The following SLAIN2 variants were observed in gnomAD, a reference collection of about 807,000 sequenced individuals.
SLAIN2 encodes SLAIN motif-containing protein 2.
A neutral mutation model predicts 56.6 loss-of-function variants in SLAIN2; 31 were observed. The ratio of observed to expected loss-of-function variants is 0.55; its 90% CI spans 0.41 to 0.74. The LOEUF (loss-of-function observed/expected upper bound fraction) is 0.74. SLAIN2 is among the 30% of genes least tolerant of loss of function. SLAIN2 has a pLI of 0.00. For synonymous variants in SLAIN2, 317 were observed against 284.9 expected (o/e 1.11, Z -1.13); for missense variants, 777 against 754.2 (o/e 1.03, Z -0.35).
chr4:48,410,468 TG>T lies in SLAIN2; in HGVS notation c.1361-9654del, dbSNP rs1477292670. 2.6e-5 allele frequency among the ~76,000 whole-genome samples: 4 copies of T among 152,300 alleles called. No individual in the cohort carries two copies. The South Asian group carries it at 6.2e-4, about 24-fold the overall frequency. The stretch of plus-strand genomic sequence containing the variant: ...TATCATTTATCAATTTTTGATCTTA[TG>T]GGTCATGCTCATAGTGTCATAAGAA... On this transcript the variant is annotated intron_variant, in intron 6 of 7. Transcript: ENST00000264313.
intron 1 of SLAIN2, among the ~76,000 whole-genome samples, chr4:48,347,673 A>G (rs7668529): frequency 0.53 from 80,822 of 152,102 alleles, 22,545 homozygotes; most frequent in South Asian, 0.69. Context: ...AGTGGCATTA[A>G]GTACATTCAC....
At chr4:48,420,036 A>G (rs2109791135) in intron 6 of SLAIN2, 89 bp from the exon 7 acceptor site, 1 of 1,268,964 alleles carries the variant, frequency 7.9e-7, no homozygotes, top group Non-Finnish European at 1.1e-6. Flanking sequence ...CACATGTACT[A>G]GTGCCCAATC....
In SLAIN2 at chr4:48,341,557, T is replaced by C. The variant is rs762607268; in HGVS notation, c.-183T>C. The C allele has an allele frequency of 1.5e-4, 132 of 903,168 alleles. No individual in the cohort carries two copies. The highest frequency in any genetic ancestry group is 1.9e-4 in the Non-Finnish European group (126 of 652,194). 55.9% of individuals were successfully genotyped at this position (903,168 alleles called of 1,614,324 possible). On this transcript the variant is annotated 5_prime_UTR_variant, in exon 1 of 8. Coordinates refer to ENST00000264313, the MANE Select transcript of SLAIN2 (RefSeq NM_020846.2). ...CCCGGAGCCGGCGCAGATGAGGCAG[T>C]TCGGCTGGGGCCAGCGGCGCTTTGG...
rs778687621 is a variant in SLAIN2, at chr4:48,420,314, A to G, written c.1550A>G (p.Asn517Ser). The G allele has an allele frequency of 1.9e-6, 3 of 1,613,936 alleles. No individual in the cohort carries two copies. Among genetic ancestry groups the G allele is most frequent in the Non-Finnish European group, 2.5e-6 (3 of 1,179,868 alleles). Residue 517 changes from asparagine to serine, a missense_variant, in exon 7 of 8, where the codon AAT (asparagine) becomes AGT (serine). By Grantham distance (46) the Asn-to-Ser change is conservative. Coordinates refer to ENST00000264313, the MANE Select transcript of SLAIN2 (RefSeq NM_020846.2). Reference sequence around the variant, plus strand: ...ACAGTCTCAGCAAATCCTCCCAGCAATATCAACAGCGCTACTCTAACCAGA... The same window carrying G: ...ACAGTCTCAGCAAATCCTCCCAGCAGTATCAACAGCGCTACTCTAACCAGA... ...QSTVSANPPS[N>S]INSATLTRPA...
intron 6 of SLAIN2, among the ~76,000 whole-genome samples, chr4:48,402,565 T>C (rs1560463340): frequency 6.6e-6 from 1 of 152,236 alleles, no homozygotes; most frequent in Non-Finnish European, 1.5e-5. Flanking sequence ...ATACTTGTTA[T>C]TGCATTGTGA....
chr4:48,391,930 C>G (rs1468805678), intron 6 of SLAIN2, among the ~76,000 whole-genome samples: 5 of 152,176 alleles, frequency 3.3e-5, no homozygotes, highest in African/African-American at 1.2e-4. Context: ...TTGTTTTGCA[C>G]TAGCATCTTT....
chr4:48,371,971 TACACAC>T (rs35354568), intron 2 of SLAIN2, among the ~76,000 whole-genome samples: 5,659 of 148,042 alleles, frequency 0.038, 127 homozygotes, highest in African/African-American at 0.061. Flanking sequence ...AAAAAGTATA[TACACAC>T]ACACACACAC....
chr4:48,382,953 T>G lies in SLAIN2; in HGVS notation c.1222+26T>G, dbSNP rs1445823003. ...GTAAAATAGCAGATTTTACTAATAA[T>G]TAGACAGTTTCTGCTAGCCTGTGTA... On this transcript the variant is annotated intron_variant, in intron 5 of 7. Transcript: ENST00000264313. 3 of 1,552,880 alleles carry G rather than the reference T, an allele frequency of 1.9e-6. No homozygotes were observed. In the East Asian group the frequency reaches 7.1e-5, roughly 37 times the overall value.
chr4:48,350,510 T>A (rs1714982195), intron 1 of SLAIN2, among the ~76,000 whole-genome samples: 1 of 152,262 alleles, frequency 6.6e-6, no homozygotes, highest in Admixed American at 6.5e-5. Context: ...CACTATTCCT[T>A]GTAGTAATTA....
chr4:48,379,827 C>G lies in SLAIN2; in HGVS notation c.841C>G (p.Leu281Val), dbSNP rs1392928909. The part of the protein sequence containing the change: ...KLNDVTDVQI[L>V]ARMQEESLRQ... The stretch of plus-strand genomic sequence containing the variant: ...AAATGATGTAACTGATGTACAGATT[C>G]TAGCCCGGATGCAGGAAGAAAGTAA... The change falls in exon 4 of 8, where the codon CTA (leucine) becomes GTA (valine). Residue 281 changes from leucine to valine, a missense_variant. By Grantham distance (32) the Leu-to-Val change is conservative. Transcript: ENST00000264313. The G allele has an allele frequency of 1.9e-6, 3 of 1,559,822 alleles. No individual in the cohort carries two copies. Among genetic ancestry groups the G allele is most frequent in the Non-Finnish European group, 1.7e-6 (2 of 1,160,508 alleles).
At chr4:48,382,542 A>C (rs1168391351) in intron 4 of SLAIN2, 26 bp from the exon 5 acceptor site, 1 of 1,478,576 alleles carries the variant, frequency 6.8e-7, no homozygotes. Context: ...AATATTGTTT[A>C]AATAAATAAC....
In SLAIN2 at chr4:48,400,399, T is replaced by C. The variant is rs1420049771; in HGVS notation, c.1360+16615T>C. 5.9e-4 allele frequency among the ~76,000 whole-genome samples: 73 copies of C among 123,972 alleles called. 1 individual carries two copies. Among genetic ancestry groups the C allele is most frequent in the Middle Eastern group, 7.9e-3 (2 of 254 alleles). The allele number at this position is 123,972 out of a possible 152,430, so 81.3% of individuals were successfully genotyped here. ...TCTGTTTGATTCTTCTTTTTTTTTTTTTTTTTTTTTTTTTTGAGACAGAGT... is the reference window on the plus strand; with the variant it reads ...TCTGTTTGATTCTTCTTTTTTTTTTCTTTTTTTTTTTTTTTGAGACAGAGT... On this transcript the variant is annotated intron_variant, in intron 6 of 7. Transcript: ENST00000264313.
chr4:48,344,636 A>G (rs1714816045), intron 1 of SLAIN2, among the ~76,000 whole-genome samples: 1 of 152,130 alleles, frequency 6.6e-6, no homozygotes, highest in South Asian at 2.1e-4. Flanking sequence ...TGAGCTCCCA[A>G]GGAACTAGTA....
intron 6 of SLAIN2, among the ~76,000 whole-genome samples, chr4:48,407,298 C>T (rs974016): frequency 0.58 from 88,390 of 151,934 alleles, 26,271 homozygotes; most frequent in South Asian, 0.71. Flanking sequence ...ATTTTATAGC[C>T]AATTCCTTCC....
chr4:48,365,918 T>C (rs1480606903), intron 1 of SLAIN2, among the ~76,000 whole-genome samples: 1 of 151,872 alleles, frequency 6.6e-6, no homozygotes, highest in Admixed American at 6.6e-5. Context: ...TTATTGATTT[T>C]AGACCTCTTT....
At position 48,394,737 on chromosome 4, in the gene SLAIN2, T is replaced by A. The variant is rs562472593; in HGVS notation, c.1360+10953T>A. The A allele has an allele frequency of 1.0e-4, 105 of 1,017,064 alleles. No homozygotes were observed. The South Asian group carries it at 1.5e-3, about 14-fold the overall frequency. The allele number at this position is 1,017,064 out of a possible 1,614,324, so 63.0% of individuals were successfully genotyped here. A position where few individuals can be genotyped will look rare whatever the true frequency, so the allele number is the denominator to read the frequency against. ...GCCATTTGGCATACTGAGTCAGTGGTGTCTGTAAGGCACATTTTAGTCTTA... is the reference window on the plus strand; with the variant it reads ...GCCATTTGGCATACTGAGTCAGTGGAGTCTGTAAGGCACATTTTAGTCTTA... On this transcript the variant is annotated intron_variant, in intron 6 of 7. Transcript: ENST00000264313.
In SLAIN2 at chr4:48,379,670, TTTC is replaced by T. The variant is rs1476504388; in HGVS notation, c.704-17_704-15del. ...GTTGCTTTACCAGAGTTTGAATTTT[TTTC>T]TTTTTTTTTTTTTAAGGTAACTTGA... On this transcript the variant is annotated splice_polypyrimidine_tract_variant and intron_variant, in intron 3 of 7. Coordinates refer to ENST00000264313, the MANE Select transcript of SLAIN2 (RefSeq NM_020846.2). 12 of 1,396,488 alleles carry T rather than the reference TTTC, an allele frequency of 8.6e-6. No homozygotes were observed. The highest frequency in any genetic ancestry group is 1.1e-5 in the Non-Finnish European group (12 of 1,069,138). 86.5% of individuals were successfully genotyped at this position (1,396,488 alleles called of 1,614,324 possible). A position where few individuals can be genotyped will look rare whatever the true frequency, so the allele number is the denominator to read the frequency against.
intron 6 of SLAIN2, among the ~76,000 whole-genome samples, chr4:48,393,386 T>TTTGTGTG (rs376243251): frequency 1.6e-4 from 21 of 135,448 alleles, no homozygotes; most frequent in African/African-American, 3.7e-4. Flanking sequence ...CATGTCTGGC[T>TTTGTGTG]TGTGTGTGTG....
intron 1 of SLAIN2, among the ~76,000 whole-genome samples, chr4:48,353,310 G>A (rs1482941119): frequency 1.3e-5 from 2 of 152,078 alleles, no homozygotes; most frequent in Non-Finnish European, 2.9e-5. Flanking sequence ...CACCCAAGAA[G>A]TAATCATCAG....
Sources: gnomAD v4.1 joint callset for allele counts (sites outside exome capture counted in the v4.1 genomes callset) on GRCh38, gnomAD v4.1.1 for gene constraint, MANE v1.5 for transcripts, NCBI Gene and HGNC (gene_info 2026-07-23, HGNC 2026-07-21) for gene names.